TMEM182: variants seen among roughly 807,000 people sequenced by gnomAD.
TMEM182 encodes the protein transmembrane protein 182.
TMEM182 carries 20 observed loss-of-function variants against 26.8 expected under a neutral mutation model. The ratio of observed to expected loss-of-function variants is 0.75; its 90% confidence interval spans 0.53 to 1.09. TMEM182 has a LOEUF of 1.09. Among genes scored for constraint, TMEM182 ranks in the 50% least tolerant of loss-of-function variants. The pLI is 0.00. For synonymous variants in TMEM182, 109 were observed against 102.2 expected, an observed-to-expected ratio of 1.07 and a Z score of -0.40; for missense variants, 277 against 275.5, an observed-to-expected ratio of 1.01 and a Z score of -0.04.
At chr2:102,768,968 A>T (rs1421622241) in intron 3 of TMEM182, among the ~76,000 whole-genome samples, 2 of 152,114 alleles carry the variant, frequency 1.3e-5, no homozygotes, top group Non-Finnish European at 2.9e-5. Context: ...CTGGAACAAG[A>T]GGGTCAGAAG....
intron 3 of TMEM182, among the ~76,000 whole-genome samples, chr2:102,792,323 T>C (rs564561672): frequency 6.6e-6 from 1 of 152,310 alleles, no homozygotes; most frequent in African/African-American, 2.4e-5. Flanking sequence ...GCTTTTCATA[T>C]ATTATATCAA....
At chr2:102,843,455 A>G (rs1162253176) in exon 4 of TMEM182, 1 of 152,164 alleles carries the variant, frequency 6.6e-6, no homozygotes, top group Non-Finnish European at 1.5e-5. Flanking sequence ...CAAAGTCCTT[A>G]TTGTCCCAGC....
intron 4 of TMEM182, among the ~76,000 whole-genome samples, chr2:102,804,192 A>G (rs1407491431): frequency 3.3e-5 from 5 of 151,020 alleles, no homozygotes; most frequent in African/African-American, 7.3e-5. Flanking sequence ...TTATTGGGGT[A>G]CTGGTGGTGT....
At chr2:102,780,286 G>C (rs1311841693) in intron 3 of TMEM182, among the ~76,000 whole-genome samples, 1 of 152,096 alleles carries the variant, frequency 6.6e-6, no homozygotes. Flanking sequence ...TACTACCCCA[G>C]TGAAGGAAGG....
chr2:102,770,048 A>G (rs1420492511), intron 3 of TMEM182, among the ~76,000 whole-genome samples: 3 of 152,214 alleles, frequency 2.0e-5, no homozygotes. Flanking sequence ...GTGATTTTTG[A>G]TTTCAAATAT....
At chr2:102,781,723 C>T (rs192763876) in intron 3 of TMEM182, among the ~76,000 whole-genome samples, 26 of 152,068 alleles carry the variant, frequency 1.7e-4, no homozygotes, top group Admixed American at 2.0e-4. Context: ...TAGAGGAAGG[C>T]GCAACCGAAA....
chr2:102,771,736 C>T (rs1418306549), intron 3 of TMEM182, among the ~76,000 whole-genome samples: 1 of 152,168 alleles, frequency 6.6e-6, no homozygotes, highest in African/African-American at 2.4e-5. Context: ...AATCTCCTCT[C>T]ACGCTAGGAA....
At chr2:102,775,914 T>A (rs571168578) in intron 3 of TMEM182, among the ~76,000 whole-genome samples, 52 of 152,332 alleles carry the variant, frequency 3.4e-4, no homozygotes, top group African/African-American at 1.2e-3. Flanking sequence ...TGTTTTGTTA[T>A]ATTTACATCC....
In TMEM182 at chr2:102,816,602, G is replaced by A. The variant is rs1016123320; in HGVS notation, c.*1634G>A. ...GTCATTTCAGTGATATCATTGAAAC[G>A]TTTTTGTGGTACTTCCCTTTGTCTT... On this transcript the variant is annotated 3_prime_UTR_variant, in exon 5 of 5. Coordinates refer to ENST00000412401, the MANE Select transcript of TMEM182 (RefSeq NM_144632.5). 19 of 984,562 alleles carry A rather than the reference G, an allele frequency of 1.9e-5. No individual in the cohort carries two copies. Among genetic ancestry groups the A allele is most frequent in the African/African-American group, 5.3e-5 (3 of 56,638 alleles). The allele number at this position is 984,562 out of a possible 1,614,324, so 61.0% of individuals were successfully genotyped here.
chr2:102,752,037 C>G (rs1305956497), intron 1 of TMEM182, among the ~76,000 whole-genome samples: 1 of 152,084 alleles, frequency 6.6e-6, no homozygotes, highest in Non-Finnish European at 1.5e-5. Flanking sequence ...CCATAATTGC[C>G]CACTTATAGG....
upstream of TMEM182, among the ~76,000 whole-genome samples, chr2:102,759,470 G>A (rs1461803861): frequency 6.6e-6 from 1 of 152,018 alleles, no homozygotes; most frequent in African/African-American, 2.4e-5. Context: ...CAAAGTCAGG[G>A]CCTATATATT....
At chr2:102,742,672 C>A (rs1475217375) in intron 1 of TMEM182, among the ~76,000 whole-genome samples, 1 of 151,960 alleles carries the variant, frequency 6.6e-6, no homozygotes, top group African/African-American at 2.4e-5. Context: ...TTGAAATAAG[C>A]CAGAGAATAC....
chr2:102,775,686 CAA>C, intron 3 of TMEM182, among the ~76,000 whole-genome samples: 1 of 152,292 alleles, frequency 6.6e-6, no homozygotes, highest in South Asian at 2.1e-4. Context: ...GCAACTTCAG[CAA>C]AGTCTCAGGA....
intron 1 of TMEM182, among the ~76,000 whole-genome samples, chr2:102,749,518 C>T (rs979525062): frequency 4.6e-5 from 7 of 152,038 alleles, no homozygotes; most frequent in South Asian, 2.1e-4. Context: ...GTGATGGCCA[C>T]GAAACTCTGT....
At chr2:102,825,838 T>C (rs1199309834) in intron 3 of TMEM182, among the ~76,000 whole-genome samples, 1 of 152,168 alleles carries the variant, frequency 6.6e-6, no homozygotes, top group East Asian at 1.9e-4. Flanking sequence ...ACTAAAAGAA[T>C]AGGTAACTCG....
chr2:102,790,306 G>A (rs1302846253), intron 3 of TMEM182, among the ~76,000 whole-genome samples: 1 of 152,210 alleles, frequency 6.6e-6, no homozygotes, highest in Admixed American at 6.5e-5. Flanking sequence ...TTGTTGGATG[G>A]ATTTGAATGG....
intron 3 of TMEM182, among the ~76,000 whole-genome samples, chr2:102,773,047 A>T (rs1680746833): frequency 6.6e-6 from 1 of 152,128 alleles, no homozygotes. Context: ...TATCACTGTC[A>T]TCCTAGTACA....
chr2:102,816,300 G>T lies in TMEM182; in HGVS notation c.*1332G>T. 1 of 985,214 alleles carries T rather than the reference G, an allele frequency of 1.0e-6. No homozygotes were observed. Among genetic ancestry groups the T allele is most frequent in the Non-Finnish European group, 1.2e-6 (1 of 829,886 alleles). The allele number at this position is 985,214 out of a possible 1,614,324, so 61.0% of individuals were successfully genotyped here. A position where few individuals can be genotyped will look rare whatever the true frequency, so the allele number is the denominator to read the frequency against. On this transcript the variant is annotated 3_prime_UTR_variant, in exon 5 of 5. Coordinates refer to ENST00000412401, the MANE Select transcript of TMEM182 (RefSeq NM_144632.5). ...GCTGTTGTGAGGACAGAGAGGCATG[G>T]CCCACAGGCAAAAAAAGTCACCACC...
In TMEM182 at chr2:102,817,291, G is replaced by T. The variant is rs1682789588; in HGVS notation, c.*2323G>T. The T allele has an allele frequency of 1.0e-6, 1 of 985,230 alleles. No homozygotes were observed. The highest frequency in any genetic ancestry group is 4.7e-5 in the South Asian group (1 of 21,276). 61.0% of individuals were successfully genotyped at this position (985,230 alleles called of 1,614,324 possible). A position where few individuals can be genotyped will look rare whatever the true frequency, so the allele number is the denominator to read the frequency against. ...TTTTAGAAGCCTTTAAACTGTGTTA[G>T]AATCTTTTTGAAAAATGTTGATTTT... is the stretch of plus-strand genomic sequence containing the variant. On this transcript the variant is annotated 3_prime_UTR_variant, in exon 5 of 5. Transcript: ENST00000412401.
Sources: allele counts gnomAD v4.1 joint callset (sites outside exome capture counted in the v4.1 genomes callset), GRCh38; gene constraint gnomAD v4.1.1; transcripts MANE v1.5; gene names NCBI Gene and HGNC (gene_info 2026-07-23, HGNC 2026-07-21).